The following MZT2B variants were observed in gnomAD, a reference collection of about 807,000 sequenced individuals.
MZT2B encodes mitotic spindle organizing protein 2B, also known as mitotic-spindle organizing protein 2B.
Under a neutral mutation model 12.1 loss-of-function variants are expected in MZT2B, and 11 were observed. That is an observed-to-expected ratio of 0.91 (90% CI 0.57 to 1.50). MZT2B has a LOEUF of 1.50. Ranked by LOEUF, MZT2B falls within the 40% of genes most tolerant of loss-of-function variation. MZT2B has a pLI of 0.00. For synonymous variants in MZT2B, 85 were observed against 109.5 expected (o/e 0.78, Z 1.40); for missense variants, 209 against 227.7 (o/e 0.92, Z 0.53).
Position 130,190,634 on chromosome 2 carries a change from C to CAG in MZT2B, c.*12_*13dup. 6.3e-7 allele frequency: 1 copy of CAG among 1,594,638 alleles called. No homozygotes were observed. The highest frequency in any genetic ancestry group is 8.6e-7 in the Non-Finnish European group (1 of 1,165,360). ...ACACGGGGCAGCACCTAGGATGGGG[C>CAG]AGAGACTTGTTGCATCTTTGTCCCC... On this transcript the variant is annotated 3_prime_UTR_variant, in exon 3 of 3. Transcript: ENST00000281871.
chr2:130,194,516 C>G, downstream of MZT2B: 6 of 1,501,534 alleles, frequency 4.0e-6, no homozygotes, highest in Non-Finnish European at 5.4e-6. Flanking sequence ...GCCACACCAC[C>G]AACCTCCAAC....
chr2:130,182,749 C>G lies in MZT2B; in HGVS notation c.293C>G (p.Pro98Arg), dbSNP rs1689803395. 1 of 1,517,956 alleles carries G rather than the reference C, an allele frequency of 6.6e-7. No homozygotes were observed. Among genetic ancestry groups the G allele is most frequent in the Admixed American group, 2.0e-5 (1 of 49,754 alleles). The allele number at this position is 1,517,956 out of a possible 1,614,324, so 94.0% of individuals were successfully genotyped here. A position where few individuals can be genotyped will look rare whatever the true frequency, so the allele number is the denominator to read the frequency against. ...CAGGACCCTGCGGCCGTGTCTCTGC[C>G]CACGTCGAGCGTGCCCGAGACCCGA... is the stretch of plus-strand genomic sequence containing the variant. ...EPQDPAAVSL[P>R]TSSVPETRGR... Residue 98 changes from proline (P) to arginine (R), a missense_variant, in exon 2 of 3, where the codon CCC becomes CGC. Pro to Arg is a moderately radical substitution (Grantham distance 103). Coordinates refer to ENST00000281871, the MANE Select transcript of MZT2B (RefSeq NM_025029.5).
chr2:130,195,195 A>G (rs1166660696), downstream of MZT2B: 1 of 1,614,088 alleles, frequency 6.2e-7, no homozygotes, highest in African/African-American at 1.3e-5. Flanking sequence ...TCTGGGTGGA[A>G]GAGCTGCCTG....
At chr2:130,190,323 G>C in intron 2 of MZT2B, 146 bp from the exon 3 acceptor site, 7 of 1,282,536 alleles carry the variant, frequency 5.5e-6, no homozygotes, top group Non-Finnish European at 4.3e-6. Context: ...TGAGTCTCAG[G>C]ACTTGGGGCT....
At position 130,187,346 on chromosome 2, in the gene MZT2B, C is replaced by T. The variant is rs542295636; in HGVS notation, c.320-3123C>T. On this transcript the variant is annotated intron_variant, in intron 2 of 2. Transcript: ENST00000281871. ...GGGACTACAGGTGCACACTACCACACGTGGCTAATTTTTTAATTTTTTGTA... is the reference window on the plus strand; with the variant it reads ...GGGACTACAGGTGCACACTACCACATGTGGCTAATTTTTTAATTTTTTGTA... 8.7e-4 allele frequency among the ~76,000 whole-genome samples: 133 copies of T among 152,194 alleles called. 1 individual carries two copies. Among genetic ancestry groups the T allele is most frequent in the African/African-American group, 3.1e-3 (129 of 41,510 alleles).
the MZT2B span, among the ~76,000 whole-genome samples, chr2:130,201,372 C>A: frequency 6.6e-6 from 1 of 152,188 alleles, no homozygotes; most frequent in Non-Finnish European, 1.5e-5. Context: ...CTAAAAGCCC[C>A]AGAGGCCTCT....
intron 2 of MZT2B, among the ~76,000 whole-genome samples, chr2:130,183,357 A>G (rs1573757796): frequency 6.6e-6 from 1 of 152,234 alleles, no homozygotes; most frequent in Non-Finnish European, 1.5e-5. Context: ...TTTCCCTCTG[A>G]TGACTGCAGG....
In MZT2B at chr2:130,189,944, C is replaced by T. The variant is rs549555777; in HGVS notation, c.320-525C>T. Among the ~76,000 whole-genome samples, 47 of 152,262 alleles carry T rather than the reference C, an allele frequency of 3.1e-4. 1 individual carries two copies. The highest frequency in any genetic ancestry group is 1.1e-3 in the African/African-American group (46 of 41,556). ...GCAGAACACTCGGGTAGGTAGGAAA[C>T]AATGAAAGAGCTTCCAAAATCAAAA... On this transcript the variant is annotated intron_variant, in intron 2 of 2. Transcript: ENST00000281871.
At chr2:130,197,559 T>C in the MZT2B span, among the ~76,000 whole-genome samples, 17,987 of 115,456 alleles carry the variant, frequency 0.16, 1,278 homozygotes, top group African/African-American at 0.34. Context: ...AACTGACAAA[T>C]CACAGCTATT....
the MZT2B span, among the ~76,000 whole-genome samples, chr2:130,197,393 G>A: frequency 9.7e-4 from 102 of 105,288 alleles, 18 homozygotes; most frequent in African/African-American, 2.7e-3. Context: ...AGGCTGAGGC[G>A]GGAGGACTGC....
chr2:130,191,488 C>T (rs945226019), downstream of MZT2B, among the ~76,000 whole-genome samples: 3 of 152,164 alleles, frequency 2.0e-5, no homozygotes, highest in Non-Finnish European at 4.4e-5. Flanking sequence ...TAAAGAAGCC[C>T]GAAAAATCAC....
chr2:130,196,755 A>C, the MZT2B span, among the ~76,000 whole-genome samples: 2 of 152,282 alleles, frequency 1.3e-5, no homozygotes, highest in South Asian at 4.1e-4. Context: ...TTGGGTAAGG[A>C]AATACAGAGT....
the MZT2B span, among the ~76,000 whole-genome samples, chr2:130,200,638 G>A: frequency 2.0e-5 from 3 of 152,228 alleles, no homozygotes; most frequent in African/African-American, 7.2e-5. Flanking sequence ...TCTTTGGTGA[G>A]AGGGAGTGGG....
chr2:130,200,398 A>G, the MZT2B span, among the ~76,000 whole-genome samples: 1 of 152,188 alleles, frequency 6.6e-6, no homozygotes, highest in African/African-American at 2.4e-5. Context: ...CTCAAAAAAA[A>G]AAAAAAAGCT....
intron 2 of MZT2B, chr2:130,183,906 C>T (rs1011475520): frequency 6.4e-7 from 1 of 1,550,486 alleles, no homozygotes; most frequent in Admixed American, 2.0e-5. Context: ...ACACTCGCCT[C>T]TCTCTCCAGG....
intron 2 of MZT2B, chr2:130,184,678 G>A (rs1448273037): frequency 1.0e-6 from 1 of 985,438 alleles, no homozygotes; most frequent in Non-Finnish European, 1.2e-6. Flanking sequence ...ACTGCAGGCT[G>A]AGATGAGCAA....
downstream of MZT2B, among the ~76,000 whole-genome samples, chr2:130,195,653 G>A (rs2104753621): frequency 1.3e-5 from 2 of 152,352 alleles, no homozygotes; most frequent in Admixed American, 1.3e-4. Context: ...AGGCTTTCAG[G>A]TGATGCTGTC....
At chr2:130,204,087 C>T in the MZT2B span, 1 of 1,259,354 alleles carries the variant, frequency 7.9e-7, no homozygotes, top group Non-Finnish European at 1.0e-6. Flanking sequence ...ACTTGTAACT[C>T]TTTAATATAG....
At chr2:130,194,109 C>T (rs574065925), downstream of MZT2B, 4 of 1,614,176 alleles carry the variant, frequency 2.5e-6, no homozygotes, top group East Asian at 6.7e-5. Context: ...AGGGCCCCAT[C>T]AAATCGCAGG....
Sources: gnomAD v4.1 joint callset for allele counts (sites outside exome capture counted in the v4.1 genomes callset) on GRCh38, gnomAD v4.1.1 for gene constraint, MANE v1.5 for transcripts, NCBI Gene and HGNC (gene_info 2026-07-23, HGNC 2026-07-21) for gene names.